DIP2B: variants seen among roughly 807,000 people sequenced by gnomAD.
DIP2B encodes the protein DIP2 acetate--CoA ligase B (putative).
A neutral mutation model predicts 198.0 loss-of-function variants in DIP2B; 76 were observed. That is an observed-to-expected ratio of 0.38 (90% CI 0.32 to 0.46). The LOEUF is 0.46. Among genes scored for constraint, DIP2B ranks in the 20% least tolerant of loss-of-function variants. The probability of loss-of-function intolerance (pLI) is 0.99; values close to 1 mark genes in which losing one functional copy is unlikely to be tolerated. For synonymous variants in DIP2B, 701 were observed against 739.1 expected (o/e 0.95, Z 0.84); for missense variants, 1,559 against 1,978.4 (o/e 0.79, Z 4.02).
chr12:50,655,260 A>G (rs941735106), intron 3 of DIP2B, among the ~76,000 whole-genome samples: 1 of 152,374 alleles, frequency 6.6e-6, no homozygotes, highest in East Asian at 1.9e-4. Flanking sequence ...GTGCAAAAAA[A>G]TACAATATGC....
chr12:50,731,850 A>G (rs1046797973), intron 31 of DIP2B, among the ~76,000 whole-genome samples: 1 of 152,320 alleles, frequency 6.6e-6, no homozygotes, highest in Admixed American at 6.5e-5. Context: ...TTCCTAATAG[A>G]ATTTGAAACC....
intron 1 of DIP2B, among the ~76,000 whole-genome samples, chr12:50,538,666 A>G (rs1382321379): frequency 6.6e-6 from 1 of 152,192 alleles, no homozygotes; most frequent in African/African-American, 2.4e-5. Context: ...TTATCAAAGT[A>G]AATAATGTTT....
chr12:50,596,287 G>A (rs938581604), intron 1 of DIP2B, among the ~76,000 whole-genome samples: 1 of 152,206 alleles, frequency 6.6e-6, no homozygotes, highest in Non-Finnish European at 1.5e-5. Context: ...AGGGTCTTAT[G>A]ACTCAGTTTT....
At position 50,674,451 on chromosome 12, in the gene DIP2B, T is replaced by C. The variant is rs746637791; in HGVS notation, c.641-23T>C. 1.9e-6 allele frequency: 3 copies of C among 1,614,004 alleles called. No individual in the cohort carries two copies. The South Asian group carries it at 3.3e-5, about 18-fold the overall frequency. Reference sequence around the variant, plus strand: ...CTTAGTTTTGCTGCTAATATAATTCTAAACTTTGTTTTCTCCTCTCAGAGA... The same window carrying C: ...CTTAGTTTTGCTGCTAATATAATTCCAAACTTTGTTTTCTCCTCTCAGAGA... On this transcript the variant is annotated intron_variant, in intron 5 of 37. Coordinates refer to ENST00000301180, the MANE Select transcript of DIP2B (RefSeq NM_173602.3).
At chr12:50,716,028 A>G (rs1939708053) in intron 23 of DIP2B, among the ~76,000 whole-genome samples, 1 of 152,240 alleles carries the variant, frequency 6.6e-6, no homozygotes, top group African/African-American at 2.4e-5. Flanking sequence ...CGAAATGCAC[A>G]CAGAAGAACA....
intron 1 of DIP2B, among the ~76,000 whole-genome samples, chr12:50,512,405 C>T (rs532020226): frequency 0.01 from 1,564 of 152,206 alleles, 12 homozygotes; most frequent in South Asian, 0.019. Flanking sequence ...CTGCACCCAG[C>T]GTCAATGTAT....
rs193116193 is a variant in DIP2B, at chr12:50,605,925, G to A, written c.101-20051G>A. Reference sequence around the variant, plus strand: ...CAACCTTCGCCCCCCAGGTTCAAGCGATTTTCCTAACTCAGCCTCCAGAGT... The same window carrying A: ...CAACCTTCGCCCCCCAGGTTCAAGCAATTTTCCTAACTCAGCCTCCAGAGT... On this transcript the variant is annotated intron_variant, in intron 1 of 37. Transcript: ENST00000301180. Among the ~76,000 whole-genome samples the A allele has an allele frequency of 3.7e-3, 563 of 152,220 alleles. 3 individuals carry two copies. Among genetic ancestry groups the A allele is most frequent in the Non-Finnish European group, 6.0e-3 (409 of 68,018 alleles).
At chr12:50,567,451 T>G (rs975234342) in intron 1 of DIP2B, among the ~76,000 whole-genome samples, 1 of 152,254 alleles carries the variant, frequency 6.6e-6, no homozygotes, top group African/African-American at 2.4e-5. Flanking sequence ...ATAGTTTCTA[T>G]TTCTCTGCTG....
chr12:50,660,136 C>G (rs1938620337), intron 3 of DIP2B, 58 bp from the exon 4 acceptor site: 1 of 1,442,436 alleles, frequency 6.9e-7, no homozygotes, highest in African/African-American at 1.4e-5. Flanking sequence ...GTTCAGCTCA[C>G]AGTGGTAAAC....
In DIP2B at chr12:50,721,800, G is replaced by A. The variant is rs564536263; in HGVS notation, c.3166+404G>A. ...TGCGTGAATTCTGTGAACATTTTTC[G>A]TATTATGATTGATGTTACTCAGGAG... On this transcript the variant is annotated intron_variant, in intron 26 of 37. Transcript: ENST00000301180. Among the ~76,000 whole-genome samples, 27 of 152,232 alleles carry A rather than the reference G, an allele frequency of 1.8e-4. No individual in the cohort carries two copies. In the South Asian group the frequency reaches 5.0e-3, roughly 28 times the overall value.
At chr12:50,586,612 G>T (rs1209125797) in intron 1 of DIP2B, among the ~76,000 whole-genome samples, 5 of 152,210 alleles carry the variant, frequency 3.3e-5, no homozygotes, top group Admixed American at 6.5e-5. Flanking sequence ...TTGGTCTGTT[G>T]CCCAGACTGG....
chr12:50,595,501 C>G lies in DIP2B; in HGVS notation c.101-30475C>G, dbSNP rs561499768. ...TGTAGTTTTTGTAGAGGTGGTGTTTCACCATGTTGCCCAGGCCAGTCTTGA... is the reference window on the plus strand; with the variant it reads ...TGTAGTTTTTGTAGAGGTGGTGTTTGACCATGTTGCCCAGGCCAGTCTTGA... On this transcript the variant is annotated intron_variant, in intron 1 of 37. Coordinates refer to ENST00000301180, the MANE Select transcript of DIP2B (RefSeq NM_173602.3). Among the ~76,000 whole-genome samples the G allele has an allele frequency of 1.2e-4, 18 of 152,170 alleles. No homozygotes were observed. In the South Asian group the frequency reaches 3.5e-3, roughly 30 times the overall value.
chr12:50,550,030 T>A (rs1264334008), intron 1 of DIP2B, among the ~76,000 whole-genome samples: 4 of 152,184 alleles, frequency 2.6e-5, no homozygotes, highest in Non-Finnish European at 1.5e-5. Context: ...CTCTGGGGTT[T>A]GCAAGTTAAA....
At chr12:50,592,212 T>C (rs1958825572) in intron 1 of DIP2B, among the ~76,000 whole-genome samples, 1 of 152,100 alleles carries the variant, frequency 6.6e-6, no homozygotes, top group Non-Finnish European at 1.5e-5. Flanking sequence ...AGACAGCCTG[T>C]TGTCCAGGCT....
chr12:50,675,432 T>G lies in DIP2B; in HGVS notation c.900T>G (p.Ser300=), dbSNP rs767866942. 3.1e-6 allele frequency: 5 copies of G among 1,613,772 alleles called. No homozygotes were observed. Among genetic ancestry groups the G allele is most frequent in the Middle Eastern group, 1.7e-4 (1 of 6,056 alleles). The change falls in exon 7 of 38, where the codon TCT becomes TCG. Residue 300 remains serine, a synonymous_variant. Transcript: ENST00000301180. Reference sequence around the variant, plus strand: ...TAAAGGAATTTTTTGTGGATGACTCTGAAGAAATTGTGGAAGGTAGTAGTA... The same window carrying G: ...TAAAGGAATTTTTTGTGGATGACTCGGAAGAAATTGTGGAAGGTAGTAGTA... ...PPLKEFFVDD[S]EEIVEVPQPD...
intron 3 of DIP2B, among the ~76,000 whole-genome samples, chr12:50,654,763 C>T (rs986323394): frequency 6.6e-6 from 1 of 152,122 alleles, no homozygotes; most frequent in African/African-American, 2.4e-5. Flanking sequence ...CCCTTAAGTC[C>T]TCTGTAAAAA....
chr12:50,726,162 G>T (rs993505590), intron 28 of DIP2B, among the ~76,000 whole-genome samples: 3 of 152,142 alleles, frequency 2.0e-5, no homozygotes, highest in Non-Finnish European at 4.4e-5. Context: ...GGTGCCCCAT[G>T]TTATGGTGAT....
chr12:50,549,654 G>C (rs1372892358), intron 1 of DIP2B, among the ~76,000 whole-genome samples: 1 of 138,300 alleles, frequency 7.2e-6, no homozygotes, highest in Non-Finnish European at 1.5e-5. Context: ...AGCTGAGATA[G>C]TGCCACTGCA....
intron 23 of DIP2B, among the ~76,000 whole-genome samples, chr12:50,716,816 A>G (rs1939727142): frequency 6.6e-6 from 1 of 152,164 alleles, no homozygotes; most frequent in Admixed American, 6.5e-5. Context: ...GCGGATGACC[A>G]TGAAGAGAGC....
Sources: gnomAD v4.1 joint callset for allele counts (sites outside exome capture counted in the v4.1 genomes callset) on GRCh38, gnomAD v4.1.1 for gene constraint, MANE v1.5 for transcripts, NCBI Gene and HGNC (gene_info 2026-07-23, HGNC 2026-07-21) for gene names.